Variants in LYRM9 observed in about 807,000 individuals in gnomAD.
LYRM9 encodes LYR motif-containing protein 9.
LYRM9 carries 14 observed loss-of-function variants against 12.6 expected under a neutral mutation model. The ratio of observed to expected loss-of-function variants is 1.11; its 90% CI spans 0.73 to 1.73. The LOEUF (loss-of-function observed/expected upper bound fraction) is 1.73. Among genes scored for constraint, LYRM9 ranks in the 40% most tolerant of loss-of-function variants. The pLI is 0.00. For synonymous variants in LYRM9, 42 were observed against 35.1 expected (o/e 1.20, Z -0.69); for missense variants, 94 against 95.0 (o/e 0.99, Z 0.04).
In LYRM9 at chr17:27,880,282, T is replaced by C; in HGVS notation, c.211A>G (p.Met71Val). 1 of 1,607,936 alleles carries C rather than the reference T, an allele frequency of 6.2e-7. No individual in the cohort carries two copies. The highest frequency in any genetic ancestry group is 8.5e-7 in the Non-Finnish European group (1 of 1,176,892). Residue 71 changes from methionine (M) to valine (V), a missense_variant, in exon 3 of 4, where the codon ATG (methionine) becomes GTG (valine). Transcript: ENST00000379102. ...KRAIEDADWI[M>V]NKYKKQN ...AGGGGCCAAGCACCTACTTTGTTCA[T>C]GATCCAGTCAGCATCTTCAATGGCT...
At chr17:27,885,233 C>A (rs1285851325) in intron 1 of LYRM9, among the ~76,000 whole-genome samples, 3 of 152,190 alleles carry the variant, frequency 2.0e-5, no homozygotes, top group Non-Finnish European at 4.4e-5. Context: ...GCTAGTCCAA[C>A]CAGAGTGCAT....
rs1904956067 is a variant in LYRM9 at position 27,879,343 on chromosome 17, C to G, written c.*130G>C. On this transcript the variant is annotated 3_prime_UTR_variant, in exon 4 of 4. Coordinates refer to ENST00000379102, the MANE Select transcript of LYRM9 (RefSeq NM_001076680.3). ...GCAAGAGGAGCCTCTGGAGCAAGGTCAGCTTCTCCCCTGATTTCTGGCTTT... is the reference window on the plus strand; with the variant it reads ...GCAAGAGGAGCCTCTGGAGCAAGGTGAGCTTCTCCCCTGATTTCTGGCTTT... 3.0e-6 allele frequency: 3 copies of G among 999,748 alleles called. No homozygotes were observed. The African/African-American group carries it at 5.0e-5, about 17-fold the overall frequency. 61.9% of individuals were successfully genotyped at this position (999,748 alleles called of 1,614,324 possible). A position where few individuals can be genotyped will look rare whatever the true frequency, so the allele number is the denominator to read the frequency against.
At chr17:27,890,649 G>A (rs950602892) in intron 1 of LYRM9, among the ~76,000 whole-genome samples, 1 of 152,024 alleles carries the variant, frequency 6.6e-6, no homozygotes, top group African/African-American at 2.4e-5. Flanking sequence ...TCTATGTCCC[G>A]ATATAGGCAC....
intron 1 of LYRM9, among the ~76,000 whole-genome samples, chr17:27,888,874 T>C (rs1905324894): frequency 6.6e-6 from 1 of 152,104 alleles, no homozygotes; most frequent in Non-Finnish European, 1.5e-5. Flanking sequence ...GTCCCTCCAG[T>C]TCTGAGTTAA....
At chr17:27,881,427 G>A (rs968776136) in intron 2 of LYRM9, among the ~76,000 whole-genome samples, 2 of 147,988 alleles carry the variant, frequency 1.4e-5, no homozygotes, top group African/African-American at 4.9e-5. Context: ...TGTGGCTACC[G>A]CCACCTCTGA....
At position 27,880,672 on chromosome 17, in the gene LYRM9, CAGTAG is replaced by C. The variant is rs891544698; in HGVS notation, c.127-311_127-307del. On this transcript the variant is annotated intron_variant, in intron 2 of 3. Transcript: ENST00000379102. ...CAAGCTAGGCCCAAAGGCTATCAGGCAGTAGAGTCCAAGGGGAAACTTCCATCTCT... is the reference window on the plus strand; with the variant it reads ...CAAGCTAGGCCCAAAGGCTATCAGGCAGTCCAAGGGGAAACTTCCATCTCT... 2.6e-5 allele frequency: 11 copies of C among 418,606 alleles called. No individual in the cohort carries two copies. The Admixed American group carries it at 3.1e-4, about 12-fold the overall frequency. 25.9% of individuals were successfully genotyped at this position (418,606 alleles called of 1,614,324 possible). A position where few individuals can be genotyped will look rare whatever the true frequency, so the allele number is the denominator to read the frequency against.
chr17:27,878,444 G>A lies in LYRM9; in HGVS notation c.*1029C>T, dbSNP rs1904918606. The A allele has an allele frequency of 6.6e-6, 1 of 152,218 alleles. No individual in the cohort carries two copies. The highest frequency in any genetic ancestry group is 1.5e-5 in the Non-Finnish European group (1 of 68,050). 9.4% of individuals were successfully genotyped at this position (152,218 alleles called of 1,614,324 possible). ...CTGAGTCACTTTAAGTCACATAACT[G>A]CAAGGATACAAACAAACACTAGTTC... is the stretch of plus-strand genomic sequence containing the variant. On this transcript the variant is annotated 3_prime_UTR_variant, in exon 4 of 4. Coordinates refer to ENST00000379102, the MANE Select transcript of LYRM9 (RefSeq NM_001076680.3).
At chr17:27,884,501 G>C (rs182474284) in intron 1 of LYRM9, among the ~76,000 whole-genome samples, 1 of 152,324 alleles carries the variant, frequency 6.6e-6, no homozygotes, top group Non-Finnish European at 1.5e-5. Context: ...CATCTTCTCC[G>C]TGTGAGGAAC....
rs201445679 is a variant in LYRM9 at position 27,880,356 on chromosome 17, A to T, written c.137T>A (p.Val46Asp). 2 of 1,604,338 alleles carry T rather than the reference A, an allele frequency of 1.2e-6. No homozygotes were observed. The highest frequency in any genetic ancestry group is 2.2e-5 in the South Asian group (2 of 89,138). ...CTCAGGGTTGTCTTCATCTGAATGA[A>T]CCCGAAAACTCTGCAAGTTTAAGCA... ...YKHAVRQSFR[V>D]HSDEDNPERI... The change falls in exon 3 of 4, where the codon GTT becomes GAT. Residue 46 changes from valine to aspartate, a missense_variant. Coordinates refer to ENST00000379102, the MANE Select transcript of LYRM9 (RefSeq NM_001076680.3).
Position 27,893,344 on chromosome 17 carries a change from A to C in LYRM9, c.-46T>G, listed in dbSNP as rs1046908567. 2 of 152,006 alleles carry C rather than the reference A, an allele frequency of 1.3e-5. No individual in the cohort carries two copies. Among genetic ancestry groups the C allele is most frequent in the African/African-American group, 4.8e-5 (2 of 41,346 alleles). The allele number at this position is 152,006 out of a possible 1,614,324, so 9.4% of individuals were successfully genotyped here. On this transcript the variant is annotated 5_prime_UTR_variant, in exon 1 of 4. Transcript: ENST00000379102. ...GCCTCCAGGGGAACGCCAGCCCCGGACGCCGCCGCGGCGACGAGTGCGCCT... is the reference window on the plus strand; with the variant it reads ...GCCTCCAGGGGAACGCCAGCCCCGGCCGCCGCCGCGGCGACGAGTGCGCCT...
chr17:27,880,494 G>A, intron 2 of LYRM9, 128 bp from the exon 3 acceptor site: 1 of 645,990 alleles, frequency 1.5e-6, no homozygotes, highest in Non-Finnish European at 2.7e-6. Flanking sequence ...ATCCTCCATA[G>A]ACTGTTATGA....
chr17:27,880,233 C>T, intron 3 of LYRM9, 41 bp downstream of exon 3: 1 of 1,472,574 alleles, frequency 6.8e-7, no homozygotes, highest in Non-Finnish European at 9.4e-7. Context: ...CAGCCATCAT[C>T]ACCCCAGCTC....
chr17:27,879,406 T>G lies in LYRM9; in HGVS notation c.*67A>C. On this transcript the variant is annotated 3_prime_UTR_variant, in exon 4 of 4. Transcript: ENST00000379102. ...CCAATGGCTCTTCCAAACCAGCTGC[T>G]GCTGCTGAGCTCCAGAAGAGGGGCC... The G allele has an allele frequency of 6.6e-7, 1 of 1,509,042 alleles. No individual in the cohort carries two copies. Among genetic ancestry groups the G allele is most frequent in the Non-Finnish European group, 8.9e-7 (1 of 1,120,102 alleles). The allele number at this position is 1,509,042 out of a possible 1,614,324, so 93.5% of individuals were successfully genotyped here. A position where few individuals can be genotyped will look rare whatever the true frequency, so the allele number is the denominator to read the frequency against.
chr17:27,891,095 T>C (rs1905428880), intron 1 of LYRM9, among the ~76,000 whole-genome samples: 1 of 151,912 alleles, frequency 6.6e-6, no homozygotes, highest in Non-Finnish European at 1.5e-5. Context: ...CCAATCCACA[T>C]GGTGCCACCC....
chr17:27,879,718 T>C, intron 3 of LYRM9: 2 of 554,798 alleles, frequency 3.6e-6, no homozygotes, highest in South Asian at 4.5e-5. Context: ...GGAGGGAGGA[T>C]AGTGATAACT....
chr17:27,887,318 A>AG (rs1456435537), intron 1 of LYRM9, among the ~76,000 whole-genome samples: 2 of 152,160 alleles, frequency 1.3e-5, no homozygotes, highest in African/African-American at 2.4e-5. Flanking sequence ...ATGTGTAATG[A>AG]GGGGGGAAAA....
At position 27,886,812 on chromosome 17, in the gene LYRM9, A is replaced by C. The variant is rs751830682; in HGVS notation, c.-18-4100T>G. On this transcript the variant is annotated intron_variant, in intron 1 of 3. Transcript: ENST00000379102. This position sits in a 1 kb window ranked among gnomAD's most constrained non-coding sequence, Gnocchi z 4.8. ...AGGTGCATGCCACCACACCCAGCTA[A>C]TTTTCGTATTTTTAGTAGAGATGGG... 1.5e-4 allele frequency among the ~76,000 whole-genome samples: 22 copies of C among 151,590 alleles called. No individual in the cohort carries two copies. Among genetic ancestry groups the C allele is most frequent in the Admixed American group, 2.0e-4 (3 of 15,202 alleles).
At position 27,886,631 on chromosome 17, in the gene LYRM9, CTTTCT is replaced by C. The variant is rs148444754; in HGVS notation, c.-18-3924_-18-3920del. Among the ~76,000 whole-genome samples, 14,407 of 143,226 alleles carry C rather than the reference CTTTCT, an allele frequency of 0.1. 791 individuals are homozygous for C. The highest frequency in any genetic ancestry group is 0.19 in the South Asian group (818 of 4,404). 94.0% of individuals were successfully genotyped at this position (143,226 alleles called of 152,430 possible). ...TCCTCAATCCCCATGCCACTGGTTT[CTTTCT>C]TTTCTTTTCTTTTTTTATTTTTTTT... On this transcript the variant is annotated intron_variant, in intron 1 of 3. Coordinates refer to ENST00000379102, the MANE Select transcript of LYRM9 (RefSeq NM_001076680.3). This position sits in a 1 kb window ranked among gnomAD's most constrained non-coding sequence, Gnocchi z 4.8.
intron 1 of LYRM9, among the ~76,000 whole-genome samples, chr17:27,889,599 G>A (rs569567914): frequency 7.2e-5 from 11 of 152,048 alleles, no homozygotes; most frequent in East Asian, 1.9e-4. Context: ...CACTGCACCC[G>A]GCTCCATGAG....
Sources: allele counts gnomAD v4.1 joint callset (sites outside exome capture counted in the v4.1 genomes callset), GRCh38; gene constraint gnomAD v4.1.1; non-coding constraint Gnocchi (gnomAD v3.1); transcripts MANE v1.5; gene names NCBI Gene and HGNC (gene_info 2026-07-23, HGNC 2026-07-21).